SPMIP7: variants seen among roughly 807,000 people sequenced by gnomAD.
SPMIP7 encodes sperm microtubule inner protein 7.
At chr7:50,119,902 A>G in the SPMIP7 span, among the ~76,000 whole-genome samples, 1 of 152,176 alleles carries the variant, frequency 6.6e-6, no homozygotes, top group African/African-American at 2.4e-5. Flanking sequence ...AGCATGCTAT[A>G]AAGGGACCAC....
the SPMIP7 span, among the ~76,000 whole-genome samples, chr7:50,131,962 C>G: frequency 6.6e-6 from 1 of 152,116 alleles, no homozygotes; most frequent in Non-Finnish European, 1.5e-5. Flanking sequence ...ATTTTGAACA[C>G]TTCAGACAGG....
At chr7:50,151,692 G>A in the SPMIP7 span, 24 of 617,406 alleles carry the variant, frequency 3.9e-5, no homozygotes, top group African/African-American at 1.9e-4. Flanking sequence ...CATCAAGTCC[G>A]AAACAGAAAA....
At chr7:50,128,417 G>C in the SPMIP7 span, among the ~76,000 whole-genome samples, 65 of 151,994 alleles carry the variant, frequency 4.3e-4, 1 homozygote, top group South Asian at 9.3e-3. Context: ...GGTGACTATA[G>C]TTAACAATAA....
the SPMIP7 span, among the ~76,000 whole-genome samples, chr7:50,146,701 T>C: frequency 2.0e-5 from 3 of 152,172 alleles, no homozygotes; most frequent in Admixed American, 1.3e-4. Flanking sequence ...GCCTCACAGT[T>C]CTCTGCAGTC....
the SPMIP7 span, among the ~76,000 whole-genome samples, chr7:50,105,049 A>G: frequency 6.6e-6 from 1 of 152,154 alleles, no homozygotes; most frequent in African/African-American, 2.4e-5. Flanking sequence ...TAAATATAAA[A>G]CCAAAATTTA....
the SPMIP7 span, among the ~76,000 whole-genome samples, chr7:50,144,853 A>G: frequency 6.6e-6 from 1 of 152,158 alleles, no homozygotes; most frequent in Non-Finnish European, 1.5e-5. Context: ...TTCAACAAAC[A>G]TGAACTGTTG....
At chr7:50,136,579 A>G in the SPMIP7 span, among the ~76,000 whole-genome samples, 45 of 152,276 alleles carry the variant, frequency 3.0e-4, no homozygotes, top group East Asian at 8.3e-3. Context: ...GGCTTTATAA[A>G]CAGTTTGATA....
chr7:50,104,761 C>T, the SPMIP7 span, among the ~76,000 whole-genome samples: 1 of 152,174 alleles, frequency 6.6e-6, no homozygotes, highest in African/African-American at 2.4e-5. Flanking sequence ...ACTGCACCTT[C>T]TCATGCTGTC....
At chr7:50,098,082 T>C in the SPMIP7 span, among the ~76,000 whole-genome samples, 1 of 152,158 alleles carries the variant, frequency 6.6e-6, no homozygotes, top group African/African-American at 2.4e-5. Flanking sequence ...GTAACAAACC[T>C]AAATACACGT....
At chr7:50,110,806 T>G in the SPMIP7 span, among the ~76,000 whole-genome samples, 1 of 132,394 alleles carries the variant, frequency 7.6e-6, no homozygotes, top group Admixed American at 8.0e-5. Flanking sequence ...ATATCTAACA[T>G]ATATAATATA....
the SPMIP7 span, among the ~76,000 whole-genome samples, chr7:50,102,214 C>T: frequency 1.3e-5 from 2 of 152,284 alleles, no homozygotes; most frequent in East Asian, 1.9e-4. Flanking sequence ...ATCCCAGCTA[C>T]TCAGGAAGCT....
the SPMIP7 span, among the ~76,000 whole-genome samples, chr7:50,118,932 C>T: frequency 6.6e-6 from 1 of 152,248 alleles, no homozygotes; most frequent in Admixed American, 6.5e-5. Flanking sequence ...AATAATAGAA[C>T]CTCGTGTATC....
the SPMIP7 span, among the ~76,000 whole-genome samples, chr7:50,141,005 CCCGCTTCTTTGTT>C: frequency 1.3e-5 from 2 of 152,212 alleles, no homozygotes; most frequent in African/African-American, 2.4e-5. Flanking sequence ...GCAGGAACAG[CCCGCTTCTTTGTT>C]CAGAAACACA....
At chr7:50,145,057 T>C in the SPMIP7 span, among the ~76,000 whole-genome samples, 1 of 151,232 alleles carries the variant, frequency 6.6e-6, no homozygotes, top group African/African-American at 2.4e-5. Flanking sequence ...AGGTGAGGAG[T>C]TGGAGATCAG....
At chr7:50,145,614 GTGTGTATATATATATATATATATATATA>G in the SPMIP7 span, among the ~76,000 whole-genome samples, 28 of 39,064 alleles carry the variant, frequency 7.2e-4, 1 homozygote, top group Admixed American at 2.3e-3. Flanking sequence ...GTGTATATGT[GTGTGTATATATATATATATATATATATA>G]TATATATATA....
chr7:50,108,575 G>A, the SPMIP7 span, among the ~76,000 whole-genome samples: 10 of 152,098 alleles, frequency 6.6e-5, no homozygotes, highest in Admixed American at 2.0e-4. Flanking sequence ...TTAAACACAG[G>A]TTTAGAAAAA....
the SPMIP7 span, among the ~76,000 whole-genome samples, chr7:50,101,159 G>A: frequency 5.9e-5 from 9 of 152,218 alleles, no homozygotes; most frequent in Non-Finnish European, 1.3e-4. Flanking sequence ...TGTTGACATT[G>A]GGCCTGGACA....
the SPMIP7 span, among the ~76,000 whole-genome samples, chr7:50,153,096 C>T: frequency 0.019 from 2,873 of 152,008 alleles, 68 homozygotes; most frequent in South Asian, 0.12. Flanking sequence ...TTTTCTGGTA[C>T]GAAAGATAGA....
chr7:50,098,674 A>G, the SPMIP7 span, among the ~76,000 whole-genome samples: 1 of 152,088 alleles, frequency 6.6e-6, no homozygotes, highest in Admixed American at 6.5e-5. Flanking sequence ...TTTTCCTTGC[A>G]TCCTCAGAGA....
Sources: allele counts gnomAD v4.1 joint callset (sites outside exome capture counted in the v4.1 genomes callset), GRCh38; gene constraint gnomAD v4.1.1; transcripts MANE v1.5; gene names NCBI Gene and HGNC (gene_info 2026-07-23, HGNC 2026-07-21).